Variants in EREG observed in about 807,000 individuals in gnomAD.
EREG encodes the protein proepiregulin.
In EREG, 23 loss-of-function variants were observed where a neutral mutation model predicts 22.4. The observed-to-expected ratio is 1.03, with a 90% CI of 0.74 to 1.46. EREG has a LOEUF of 1.46. EREG is among the 40% of genes most tolerant of loss of function. The pLI is 0.00. For synonymous variants in EREG, 100 were observed against 75.4 expected (o/e 1.33, Z -1.69); for missense variants, 226 against 205.9 (o/e 1.10, Z -0.60).
At chr4:74,372,074 G>T (rs1457094673) in intron 1 of EREG, among the ~76,000 whole-genome samples, 1 of 152,118 alleles carries the variant, frequency 6.6e-6, no homozygotes, top group African/African-American at 2.4e-5. Context: ...GTTACTAAAA[G>T]CAAGGATGGG....
intron 1 of EREG, among the ~76,000 whole-genome samples, chr4:74,377,704 G>A (rs1010936615): frequency 6.6e-6 from 1 of 152,190 alleles, no homozygotes; most frequent in African/African-American, 2.4e-5. Flanking sequence ...TATCATGGCC[G>A]AAGGCGAAGG....
chr4:74,372,974 ATTTTT>A (rs35483998), intron 1 of EREG, among the ~76,000 whole-genome samples: 2 of 63,148 alleles, frequency 3.2e-5, no homozygotes, highest in Admixed American at 2.1e-4. Flanking sequence ...CATCTGGCTA[ATTTTT>A]TTTTTTTTTT....
chr4:74,386,129 C>T lies in EREG; in HGVS notation c.*1321C>T, dbSNP rs1355584899. The T allele has an allele frequency of 3.7e-6, 1 of 273,852 alleles. No individual in the cohort carries two copies. The highest frequency in any genetic ancestry group is 5.3e-5 in the Admixed American group (1 of 18,750). 17.0% of individuals were successfully genotyped at this position (273,852 alleles called of 1,614,324 possible). On this transcript the variant is annotated 3_prime_UTR_variant, in exon 5 of 5. Transcript: ENST00000244869. Reference sequence around the variant, plus strand: ...GAGAGTTAATAGGAGTATTTTTGGGCTATTGCATAAGGAGCCACTGCTGCC... The same window carrying T: ...GAGAGTTAATAGGAGTATTTTTGGGTTATTGCATAAGGAGCCACTGCTGCC...
chr4:74,375,663 A>G (rs1046249133), intron 1 of EREG, among the ~76,000 whole-genome samples: 1 of 152,000 alleles, frequency 6.6e-6, no homozygotes, highest in Non-Finnish European at 1.5e-5. Context: ...AGGATAGTGG[A>G]TGTAATATTT....
intron 1 of EREG, among the ~76,000 whole-genome samples, chr4:74,366,540 G>C (rs1203983355): frequency 6.6e-6 from 1 of 152,224 alleles, no homozygotes; most frequent in African/African-American, 2.4e-5. Flanking sequence ...TGGCTTTGCT[G>C]TCTTTGTTTT....
chr4:74,371,167 C>A (rs545769340), intron 1 of EREG, among the ~76,000 whole-genome samples: 1 of 152,224 alleles, frequency 6.6e-6, no homozygotes, highest in East Asian at 1.9e-4. Flanking sequence ...CAATTTTGCT[C>A]CTGGTTTAGA....
chr4:74,367,944 G>A (rs1752214736), intron 1 of EREG, among the ~76,000 whole-genome samples: 1 of 152,150 alleles, frequency 6.6e-6, no homozygotes, highest in Non-Finnish European at 1.5e-5. Context: ...TTGTGTATTA[G>A]GTGCTTTAAA....
chr4:74,371,354 T>C (rs1752287099), intron 1 of EREG, among the ~76,000 whole-genome samples: 1 of 152,202 alleles, frequency 6.6e-6, no homozygotes, highest in African/African-American at 2.4e-5. Context: ...TATTTATTGC[T>C]GATTTTAGCA....
chr4:74,379,761 G>C (rs1447846435), intron 2 of EREG, among the ~76,000 whole-genome samples: 1 of 152,190 alleles, frequency 6.6e-6, no homozygotes, highest in African/African-American at 2.4e-5. Context: ...ATTGTGAAGA[G>C]ATAGGGAACA....
intron 1 of EREG, among the ~76,000 whole-genome samples, chr4:74,375,426 C>T (rs1271919258): frequency 2.1e-5 from 3 of 145,520 alleles, no homozygotes; most frequent in African/African-American, 7.5e-5. Context: ...TCAAGCCATT[C>T]TCCTGCCTCA....
chr4:74,369,712 G>C (rs992783215), intron 1 of EREG, among the ~76,000 whole-genome samples: 1 of 151,888 alleles, frequency 6.6e-6, no homozygotes, highest in African/African-American at 2.4e-5. Context: ...TTATAGTCTT[G>C]AACTAAGAGG....
intron 1 of EREG, among the ~76,000 whole-genome samples, chr4:74,366,181 T>A (rs1030517872): frequency 1.3e-5 from 2 of 152,102 alleles, no homozygotes; most frequent in Admixed American, 6.5e-5. Context: ...TAAAAAAAAA[T>A]TACTTCTTTC....
At chr4:74,370,014 C>T (rs937554095) in intron 1 of EREG, among the ~76,000 whole-genome samples, 6 of 152,014 alleles carry the variant, frequency 3.9e-5, no homozygotes, top group Admixed American at 3.3e-4. Flanking sequence ...TTATTGTTCC[C>T]GTTTTACAAA....
chr4:74,380,464 G>A (rs1323941748), intron 2 of EREG, among the ~76,000 whole-genome samples: 2 of 152,082 alleles, frequency 1.3e-5, no homozygotes, highest in Non-Finnish European at 2.9e-5. Context: ...GTCTAGTTTG[G>A]ATTCAGGCCT....
rs1578819538 is a variant in EREG, at chr4:74,376,124, T to C, written c.68-3324T>C. On this transcript the variant is annotated intron_variant, in intron 1 of 4. Transcript: ENST00000244869. The stretch of plus-strand genomic sequence containing the variant: ...ACAAAGTTTCCAACGGTGGAAAAAC[T>C]AACAACTACTAAAAACCTTTAAAAA... Among the ~76,000 whole-genome samples the C allele has an allele frequency of 3.3e-5, 5 of 152,200 alleles. No homozygotes were observed. The East Asian group carries it at 7.7e-4, about 24-fold the overall frequency.
intron 1 of EREG, among the ~76,000 whole-genome samples, chr4:74,376,840 T>G (rs1184134889): frequency 2.0e-4 from 31 of 152,186 alleles, no homozygotes; most frequent in Admixed American, 2.0e-3. Flanking sequence ...TGAGGGTATT[T>G]GAGACTAATA....
intron 3 of EREG, 110 bp downstream of exon 3, chr4:74,381,247 CT>C: frequency 1.1e-6 from 1 of 909,570 alleles, no homozygotes; most frequent in Non-Finnish European, 1.7e-6. Flanking sequence ...GAAGTCTGAG[CT>C]TTTAGAGTAC....
intron 1 of EREG, among the ~76,000 whole-genome samples, chr4:74,371,227 C>T (rs1752284978): frequency 6.6e-6 from 1 of 152,000 alleles, no homozygotes; most frequent in African/African-American, 2.4e-5. Context: ...CACATTGCCA[C>T]CCATACTTCA....
intron 1 of EREG, among the ~76,000 whole-genome samples, chr4:74,379,148 C>T (rs992351947): frequency 2.6e-5 from 4 of 152,104 alleles, no homozygotes; most frequent in African/African-American, 4.8e-5. Flanking sequence ...AACTGATGTG[C>T]GTCTTAAGAA....
Sources: gnomAD v4.1 joint callset for allele counts (sites outside exome capture counted in the v4.1 genomes callset) on GRCh38, gnomAD v4.1.1 for gene constraint, MANE v1.5 for transcripts, NCBI Gene and HGNC (gene_info 2026-07-23, HGNC 2026-07-21) for gene names.